Variants in TBC1D16 observed in about 807,000 individuals in gnomAD.
TBC1D16 encodes the protein TBC1 domain family member 16.
A neutral mutation model predicts 74.7 loss-of-function variants in TBC1D16; 58 were observed. The ratio of observed to expected loss-of-function variants is 0.78; its 90% CI spans 0.63 to 0.97. The LOEUF (loss-of-function observed/expected upper bound fraction) is 0.97, where lower values mean the gene tolerates loss of function less well. TBC1D16 is among the 50% of genes least tolerant of loss of function. TBC1D16 has a pLI of 0.00. For missense variants in TBC1D16, 1,014 were observed against 1,079.5 expected (o/e 0.94, Z 0.85); for synonymous variants, 493 against 474.7 (o/e 1.04, Z -0.50).
At position 79,986,774 on chromosome 17, in the gene TBC1D16, C is replaced by G. The variant is rs2034853817; in HGVS notation, c.779+23386G>C. On this transcript the variant is annotated intron_variant, in intron 3 of 11. Coordinates refer to ENST00000310924, the MANE Select transcript of TBC1D16 (RefSeq NM_019020.4). The surrounding 1 kb of genome is among the most constrained non-coding windows in gnomAD (Gnocchi z 6.0). ...TCTACACACCCGGCCCTCCTCAGAGCCTCAGCCCGCAGCGGGAGATGACAC... is the reference window on the plus strand; with the variant it reads ...TCTACACACCCGGCCCTCCTCAGAGGCTCAGCCCGCAGCGGGAGATGACAC... Among the ~76,000 whole-genome samples, 1 of 152,198 alleles carries G rather than the reference C, an allele frequency of 6.6e-6. No homozygotes were observed. The highest frequency in any genetic ancestry group is 2.4e-5 in the African/African-American group (1 of 41,454).
intron 1 of TBC1D16, among the ~76,000 whole-genome samples, chr17:80,024,604 GAC>G (rs1415587367): frequency 1.7e-5 from 2 of 121,012 alleles, no homozygotes; most frequent in Admixed American, 8.1e-5. Flanking sequence ...ACACACCATA[GAC>G]ACACACACCA....
At chr17:79,942,333 T>C in intron 10 of TBC1D16, 127 bp from the exon 11 acceptor site, 2 of 1,070,914 alleles carry the variant, frequency 1.9e-6, no homozygotes, top group Non-Finnish European at 1.3e-6. Flanking sequence ...ACAGCCCAGC[T>C]CGGGGGCCGT....
In TBC1D16 at chr17:80,001,008, G is replaced by A. The variant is rs190684383; in HGVS notation, c.779+9152C>T. ...TCGAATTCTTTGGCAGCCCCTCCAAGCTCCCAGAGCTGAGGGGCAGCCAGG... is the reference window on the plus strand; with the variant it reads ...TCGAATTCTTTGGCAGCCCCTCCAAACTCCCAGAGCTGAGGGGCAGCCAGG... On this transcript the variant is annotated intron_variant, in intron 3 of 11. Coordinates refer to ENST00000310924, the MANE Select transcript of TBC1D16 (RefSeq NM_019020.4). This position sits in a 1 kb window ranked among gnomAD's most constrained non-coding sequence, Gnocchi z 5.8. 4.6e-5 allele frequency among the ~76,000 whole-genome samples: 7 copies of A among 152,360 alleles called. No individual in the cohort carries two copies. The East Asian group carries it at 1.4e-3, about 29-fold the overall frequency.
intron 1 of TBC1D16, among the ~76,000 whole-genome samples, chr17:80,025,101 T>TGAC (rs1331464831): frequency 7.5e-5 from 6 of 80,426 alleles, no homozygotes; most frequent in Non-Finnish European, 1.2e-4. Flanking sequence ...ACACACACCA[T>TGAC]ATACACACAA....
At position 79,993,565 on chromosome 17, in the gene TBC1D16, C is replaced by G. The variant is rs1002407548; in HGVS notation, c.779+16595G>C. The G allele has an allele frequency of 6.6e-6, 1 of 152,252 alleles. No homozygotes were observed. Among genetic ancestry groups the G allele is most frequent in the Admixed American group, 6.5e-5 (1 of 15,284 alleles). The allele number at this position is 152,252 out of a possible 1,614,324, so 9.4% of individuals were successfully genotyped here. A position where few individuals can be genotyped will look rare whatever the true frequency, so the allele number is the denominator to read the frequency against. ...GAACCAGCTACGGGAGTCTTTCGACCGCAAGACAAAAGGTCCTTTGCCCCC... is the reference window on the plus strand; with the variant it reads ...GAACCAGCTACGGGAGTCTTTCGACGGCAAGACAAAAGGTCCTTTGCCCCC... On this transcript the variant is annotated intron_variant, in intron 3 of 11. Coordinates refer to ENST00000310924, the MANE Select transcript of TBC1D16 (RefSeq NM_019020.4). This position sits in a 1 kb window ranked among gnomAD's most constrained non-coding sequence, Gnocchi z 5.1.
intron 1 of TBC1D16, among the ~76,000 whole-genome samples, chr17:80,027,891 C>CA (rs71163908): frequency 0.024 from 1,600 of 66,558 alleles, 30 homozygotes; most frequent in Non-Finnish European, 0.033. Context: ...GACTCCAACT[C>CA]AAAAAAAAAA....
At chr17:80,024,370 C>CACACACCAT (rs2036413320) in intron 1 of TBC1D16, among the ~76,000 whole-genome samples, 3 of 104,902 alleles carry the variant, frequency 2.9e-5, no homozygotes, top group Admixed American at 1.2e-4. Flanking sequence ...ACACACACCA[C>CACACACCAT]AGACACACAC....
rs574554363 is a variant in TBC1D16 at position 80,030,873 on chromosome 17, G to A, written c.-63+4922C>T. Among the ~76,000 whole-genome samples the A allele has an allele frequency of 1.2e-4, 19 of 152,344 alleles. No individual in the cohort carries two copies. The East Asian group carries it at 3.1e-3, about 25-fold the overall frequency. On this transcript the variant is annotated intron_variant, in intron 1 of 11. Transcript: ENST00000310924. ...CTCAGGAGCAACACGCACTGAGCCC[G>A]GTCACCTGGCACATGGCCGGCAGAA...
intron 9 of TBC1D16, 71 bp downstream of exon 9, chr17:79,947,574 C>A: frequency 6.4e-7 from 1 of 1,557,108 alleles, no homozygotes; most frequent in South Asian, 1.2e-5. Context: ...CCACGGCAAC[C>A]CCGGCTACAA....
At chr17:79,952,298 T>C in intron 4 of TBC1D16, 1 of 212,348 alleles carries the variant, frequency 4.7e-6, no homozygotes, top group Non-Finnish European at 9.4e-6. Flanking sequence ...CTGCGGCCCG[T>C]CCCGCACAGG....
chr17:79,942,787 G>A (rs932748536), intron 10 of TBC1D16, among the ~76,000 whole-genome samples: 1 of 152,216 alleles, frequency 6.6e-6, no homozygotes, highest in African/African-American at 2.4e-5. Context: ...AACAGAGCGG[G>A]CACAGCAGCT....
At chr17:79,999,533 C>CTTTTTTTTT (rs71163906) in intron 3 of TBC1D16, among the ~76,000 whole-genome samples, 4 of 76,476 alleles carry the variant, frequency 5.2e-5, no homozygotes, top group Non-Finnish European at 1.0e-4. Flanking sequence ...CCCCAAATTT[C>CTTTTTTTTT]TTTTTTTTTT....
In TBC1D16 at chr17:79,990,465, C is replaced by T; in HGVS notation, c.779+19695G>A. On this transcript the variant is annotated intron_variant, in intron 3 of 11. Coordinates refer to ENST00000310924, the MANE Select transcript of TBC1D16 (RefSeq NM_019020.4). The surrounding 1 kb of genome is among the most constrained non-coding windows in gnomAD (Gnocchi z 4.8). Reference sequence around the variant, plus strand: ...CAATTGCTGGGGTGGGGACAACCTACACAGGCTTACAGACCTAATCCAAGA... The same window carrying T: ...CAATTGCTGGGGTGGGGACAACCTATACAGGCTTACAGACCTAATCCAAGA... 6.6e-6 allele frequency among the ~76,000 whole-genome samples: 1 copy of T among 152,362 alleles called. No homozygotes were observed. Among genetic ancestry groups the T allele is most frequent in the East Asian group, 1.9e-4 (1 of 5,184 alleles).
rs2034834392 is a variant in TBC1D16, at chr17:79,986,368, G to A, written c.779+23792C>T. Among the ~76,000 whole-genome samples the A allele has an allele frequency of 6.6e-6, 1 of 152,190 alleles. No individual in the cohort carries two copies. Among genetic ancestry groups the A allele is most frequent in the African/African-American group, 2.4e-5 (1 of 41,434 alleles). On this transcript the variant is annotated intron_variant, in intron 3 of 11. Transcript: ENST00000310924. This position sits in a 1 kb window ranked among gnomAD's most constrained non-coding sequence, Gnocchi z 6.0. ...TGAGCACCTCTTAGACAGAAGTCTG[G>A]GCAGACGCAAATGTGCAGCGTTTCA...
At position 79,985,660 on chromosome 17, in the gene TBC1D16, C is replaced by G. The variant is rs79110069; in HGVS notation, c.779+24500G>C. Among the ~76,000 whole-genome samples, 1,604 of 152,356 alleles carry G rather than the reference C, an allele frequency of 0.011. 15 individuals carry two copies. The highest frequency in any genetic ancestry group is 0.02 in the Middle Eastern group (6 of 294). ...GCCATTCCGCATTGATCTCCATTTGCTTTTCAAACATGCAATTCTCATAAA... is the reference window on the plus strand; with the variant it reads ...GCCATTCCGCATTGATCTCCATTTGGTTTTCAAACATGCAATTCTCATAAA... On this transcript the variant is annotated intron_variant, in intron 3 of 11. Transcript: ENST00000310924. The surrounding 1 kb of genome is among the most constrained non-coding windows in gnomAD (Gnocchi z 4.9).
At chr17:80,019,439 A>ACC (rs71163907) in intron 1 of TBC1D16, among the ~76,000 whole-genome samples, 2,073 of 135,576 alleles carry the variant, frequency 0.015, 60 homozygotes, top group Admixed American at 0.06. Context: ...CACCAGGACA[A>ACC]CCCCCCCCCG....
Position 80,011,757 on chromosome 17 carries a change from C to T in TBC1D16, c.182-1000G>A, listed in dbSNP as rs540207905. On this transcript the variant is annotated intron_variant, in intron 2 of 11. Coordinates refer to ENST00000310924, the MANE Select transcript of TBC1D16 (RefSeq NM_019020.4). Reference sequence around the variant, plus strand: ...AGGAGAATGGCGTGAACCCAGGAGACGGAGCTTGCAGTGAGCCGAGATTGC... The same window carrying T: ...AGGAGAATGGCGTGAACCCAGGAGATGGAGCTTGCAGTGAGCCGAGATTGC... 1.5e-4 allele frequency among the ~76,000 whole-genome samples: 22 copies of T among 151,182 alleles called. No homozygotes were observed. The South Asian group carries it at 1.9e-3, about 13-fold the overall frequency.
In TBC1D16 at chr17:79,934,188, G is replaced by C. The variant is rs905938690; in HGVS notation, c.*6671C>G. ...TGACTACACAGTTGTCATTTACGGG[G>C]GAAGTAGGGCACAGCAGAGGTGAAC... On this transcript the variant is annotated 3_prime_UTR_variant, in exon 12 of 12. Coordinates refer to ENST00000310924, the MANE Select transcript of TBC1D16 (RefSeq NM_019020.4). The C allele has an allele frequency of 1.3e-5, 2 of 152,278 alleles. No homozygotes were observed. The highest frequency in any genetic ancestry group is 2.1e-4 in the South Asian group (1 of 4,836). 9.4% of individuals were successfully genotyped at this position (152,278 alleles called of 1,614,324 possible).
At position 79,983,214 on chromosome 17, in the gene TBC1D16, G is replaced by C. The variant is rs1200531447; in HGVS notation, c.779+26946C>G. ...GTGGCGGTTCAGAAGACGTGGCAGC[G>C]CGGGAGGGGTTTATGGCAGGGCATG... On this transcript the variant is annotated intron_variant, in intron 3 of 11. Coordinates refer to ENST00000310924, the MANE Select transcript of TBC1D16 (RefSeq NM_019020.4). This position sits in a 1 kb window ranked among gnomAD's most constrained non-coding sequence, Gnocchi z 5.6. 6.6e-6 allele frequency among the ~76,000 whole-genome samples: 1 copy of C among 152,242 alleles called. No homozygotes were observed. Among genetic ancestry groups the C allele is most frequent in the East Asian group, 1.9e-4 (1 of 5,186 alleles).
Sources: gnomAD v4.1 joint callset for allele counts (sites outside exome capture counted in the v4.1 genomes callset) on GRCh38, gnomAD v4.1.1 for gene constraint, Gnocchi (gnomAD v3.1) non-coding constraint, MANE v1.5 for transcripts, NCBI Gene and HGNC (gene_info 2026-07-23, HGNC 2026-07-21) for gene names.